Variants in CLINT1 observed in about 807,000 individuals in gnomAD.
The protein encoded by CLINT1 is clathrin interactor 1.
In CLINT1, 15 loss-of-function variants were observed where a neutral mutation model predicts 70.4. The observed-to-expected ratio is 0.21, with a 90% CI of 0.14 to 0.33. The LOEUF is 0.33. CLINT1 is among the 10% of genes least tolerant of loss of function. The pLI, the probability that CLINT1 is intolerant of heterozygous loss-of-function variation, is 1.00. For synonymous variants in CLINT1, 227 were observed against 254.7 expected (o/e 0.89, Z 1.04); for missense variants, 615 against 778.1 (o/e 0.79, Z 2.49).
At chr5:157,853,777 C>CAAA (rs11316474) in intron 1 of CLINT1, among the ~76,000 whole-genome samples, 59 of 48,036 alleles carry the variant, frequency 1.2e-3, no homozygotes, top group Non-Finnish European at 1.6e-3. Flanking sequence ...GACACCATCT[C>CAAA]AAAAAAAAAA....
chr5:157,823,063 GT>G (rs748150563), intron 1 of CLINT1, among the ~76,000 whole-genome samples: 13 of 151,552 alleles, frequency 8.6e-5, no homozygotes, highest in South Asian at 2.1e-4. Context: ...TTTTTATATG[GT>G]TTCTCTTTGT....
At chr5:157,807,015 G>A (rs560105928) in intron 6 of CLINT1, among the ~76,000 whole-genome samples, 1 of 151,738 alleles carries the variant, frequency 6.6e-6, no homozygotes, top group South Asian at 2.1e-4. Flanking sequence ...AGAGAGAAAT[G>A]TTACTTGAAA....
At chr5:157,853,900 T>C (rs1753663590) in intron 1 of CLINT1, among the ~76,000 whole-genome samples, 1 of 151,766 alleles carries the variant, frequency 6.6e-6, no homozygotes, top group South Asian at 2.1e-4. Context: ...CTAAATAGAT[T>C]AAACTACAGA....
At chr5:157,851,268 G>C (rs1753563645) in intron 1 of CLINT1, among the ~76,000 whole-genome samples, 1 of 152,118 alleles carries the variant, frequency 6.6e-6, no homozygotes, top group Non-Finnish European at 1.5e-5. Flanking sequence ...TGTTGAAAAA[G>C]CACGCATGTA....
chr5:157,829,795 GC>G (rs113565955), intron 1 of CLINT1, among the ~76,000 whole-genome samples: 20,360 of 147,818 alleles, frequency 0.14, 1,824 homozygotes, highest in African/African-American at 0.26. Context: ...GCCCACCTCA[GC>G]CCTCCCAAAG....
intron 1 of CLINT1, among the ~76,000 whole-genome samples, chr5:157,823,411 G>A (rs896503007): frequency 6.6e-6 from 1 of 152,014 alleles, no homozygotes; most frequent in African/African-American, 2.4e-5. Context: ...CATCATGGTA[G>A]ACCACATGAA....
chr5:157,835,181 A>C (rs1050318410), intron 1 of CLINT1, among the ~76,000 whole-genome samples: 20 of 152,186 alleles, frequency 1.3e-4, no homozygotes, highest in African/African-American at 4.8e-4. Flanking sequence ...AATGGCCCTG[A>C]GCATAGTGTT....
At chr5:157,856,944 TACA>T (rs1191279579) in intron 1 of CLINT1, among the ~76,000 whole-genome samples, 3 of 152,208 alleles carry the variant, frequency 2.0e-5, no homozygotes, top group African/African-American at 2.4e-5. Flanking sequence ...ATATGAAAGG[TACA>T]ACAATAGTAG....
Position 157,858,953 on chromosome 5 carries a change from C to T in CLINT1, c.18G>A (p.Lys6=), listed in dbSNP as rs778834240. The change falls in exon 1 of 12, where the codon AAG becomes AAA. Residue 6 remains lysine, a synonymous_variant. Coordinates refer to ENST00000411809, the MANE Select transcript of CLINT1 (RefSeq NM_014666.4). Reference sequence around the variant, plus strand: ...ACGCTTTGTCCACCAGCTCGCGCACCTTCCACATGTTCAACATCGTGCCCC... The same window carrying T: ...ACGCTTTGTCCACCAGCTCGCGCACTTTCCACATGTTCAACATCGTGCCCC... MLNMW[K]VRELVDKATN... is the part of the protein sequence containing the mutation. The T allele has an allele frequency of 6.2e-7, 1 of 1,611,950 alleles. No individual in the cohort carries two copies. Among genetic ancestry groups the T allele is most frequent in the Non-Finnish European group, 8.5e-7 (1 of 1,179,118 alleles).
chr5:157,794,555 GCTAAA>G (rs1762011232), intron 9 of CLINT1, among the ~76,000 whole-genome samples: 2 of 152,124 alleles, frequency 1.3e-5, no homozygotes, highest in South Asian at 2.1e-4. Context: ...AAAATCATAA[GCTAAA>G]CTAAACACAA....
At position 157,796,442 on chromosome 5, in the gene CLINT1, T is replaced by A. The variant is rs531125624; in HGVS notation, c.1013-1470A>T. On this transcript the variant is annotated intron_variant, in intron 8 of 11. Transcript: ENST00000411809. ...CTTTAAATAGTCGTCCTTATTTTTG[T>A]CTGTCCTTAAAGATTTCACCTCTTA... Among the ~76,000 whole-genome samples, 147 of 152,390 alleles carry A rather than the reference T, an allele frequency of 9.6e-4. 1 individual carries two copies. The highest frequency in any genetic ancestry group is 1.6e-3 in the Non-Finnish European group (110 of 68,040).
At chr5:157,849,138 C>T (rs942791417) in intron 1 of CLINT1, among the ~76,000 whole-genome samples, 4 of 152,184 alleles carry the variant, frequency 2.6e-5, no homozygotes, top group African/African-American at 9.7e-5. Context: ...AGGTAAAATG[C>T]TATCGAGCAG....
At chr5:157,837,005 T>A (rs1763444302) in intron 1 of CLINT1, among the ~76,000 whole-genome samples, 1 of 152,214 alleles carries the variant, frequency 6.6e-6, no homozygotes, top group Admixed American at 6.5e-5. Context: ...AAAAGCCAGG[T>A]TATCCTGTGG....
chr5:157,829,689 A>ATTT (rs3075709), intron 1 of CLINT1, among the ~76,000 whole-genome samples: 4 of 109,144 alleles, frequency 3.7e-5, no homozygotes, highest in East Asian at 2.7e-4. Flanking sequence ...ACACCCAGCT[A>ATTT]TTTTTTTTTT....
At chr5:157,840,078 C>G (rs1354602398) in intron 1 of CLINT1, among the ~76,000 whole-genome samples, 1 of 150,782 alleles carries the variant, frequency 6.6e-6, no homozygotes, top group Non-Finnish European at 1.5e-5. Flanking sequence ...GCCTATAGTC[C>G]CAGCTACTCA....
chr5:157,793,851 T>C (rs1332074397), intron 9 of CLINT1, among the ~76,000 whole-genome samples: 5 of 152,156 alleles, frequency 3.3e-5, no homozygotes, highest in Non-Finnish European at 7.4e-5. Context: ...CCTAACCAAA[T>C]ATTACTAAAT....
intron 1 of CLINT1, among the ~76,000 whole-genome samples, chr5:157,819,382 G>C (rs1762814719): frequency 1.3e-5 from 2 of 152,074 alleles, no homozygotes; most frequent in South Asian, 4.2e-4. Context: ...TCCTTCCCCA[G>C]GACTAAAATA....
At chr5:157,841,931 G>A (rs558586525) in intron 1 of CLINT1, among the ~76,000 whole-genome samples, 3 of 152,224 alleles carry the variant, frequency 2.0e-5, no homozygotes, top group South Asian at 2.1e-4. Context: ...ACGTCCAGCC[G>A]AGCTGTCATT....
At chr5:157,809,320 C>T (rs1246816281) in intron 6 of CLINT1, 1 of 230,464 alleles carries the variant, frequency 4.3e-6, no homozygotes, top group African/African-American at 2.3e-5. Flanking sequence ...ACGTAAACTA[C>T]AGACTTTAGT....
Sources: allele counts gnomAD v4.1 joint callset (sites outside exome capture counted in the v4.1 genomes callset), GRCh38; gene constraint gnomAD v4.1.1; transcripts MANE v1.5; gene names NCBI Gene and HGNC (gene_info 2026-07-23, HGNC 2026-07-21).